The following TLN2 variants were observed in gnomAD, a reference collection of about 807,000 sequenced individuals.
TLN2 encodes talin-2.
In TLN2, 118 loss-of-function variants were observed where a neutral mutation model predicts 294.7. The ratio of observed to expected loss-of-function variants is 0.40; its 90% CI spans 0.34 to 0.47. TLN2 has a LOEUF of 0.47. TLN2 is among the 20% of genes least tolerant of loss of function. TLN2 has a pLI of 0.84. For missense variants in TLN2, 3,083 were observed against 3,282.2 expected, an observed-to-expected ratio of 0.94 and a Z score of 1.48; for synonymous variants, 1,431 against 1,304.5, an observed-to-expected ratio of 1.10 and a Z score of -2.09.
chr15:62,640,139 C>T (rs1270226839), intron 3 of TLN2: 1 of 455,074 alleles, frequency 2.2e-6, no homozygotes, highest in East Asian at 7.0e-5. Flanking sequence ...GGCTGTGACC[C>T]AGTGCATGGT....
intron 8 of TLN2, 81 bp from the exon 9 acceptor site, chr15:62,657,690 C>A: frequency 6.5e-7 from 1 of 1,545,170 alleles, no homozygotes; most frequent in Non-Finnish European, 8.7e-7. Context: ...AGAGGGTGTA[C>A]TGGGCCATGG....
At chr15:62,745,166 C>G (rs1430017438) in intron 32 of TLN2, among the ~76,000 whole-genome samples, 1 of 152,304 alleles carries the variant, frequency 6.6e-6, no homozygotes, top group Non-Finnish European at 1.5e-5. Context: ...TTACCTTAAC[C>G]CTTTTTAACC....
chr15:62,749,613 GC>G (rs1222498486), intron 33 of TLN2, among the ~76,000 whole-genome samples: 5 of 151,962 alleles, frequency 3.3e-5, no homozygotes, highest in Non-Finnish European at 7.4e-5. Flanking sequence ...TTCTCTCCCA[GC>G]CCCCCACCAG....
chr15:62,453,459 G>T (rs1300633019), intron 1 of TLN2: 1 of 152,168 alleles, frequency 6.6e-6, no homozygotes, highest in Non-Finnish European at 1.5e-5. Context: ...TGGGCTACCT[G>T]ACTGCTAGCA....
intron 50 of TLN2, among the ~76,000 whole-genome samples, chr15:62,801,159 G>A (rs1166703425): frequency 5.3e-5 from 8 of 152,156 alleles, no homozygotes; most frequent in Admixed American, 2.0e-4. Context: ...CTTGGTACCC[G>A]CACACATGCA....
chr15:62,807,642 G>A (rs1266499659), intron 51 of TLN2, among the ~76,000 whole-genome samples: 4 of 152,162 alleles, frequency 2.6e-5, no homozygotes, highest in Non-Finnish European at 5.9e-5. Flanking sequence ...CTCTCCTAAC[G>A]TGTGCTCCCC....
chr15:62,395,007 A>G (rs547423951), intron 1 of TLN2, among the ~76,000 whole-genome samples: 22 of 152,304 alleles, frequency 1.4e-4, no homozygotes, highest in East Asian at 1.3e-3. Flanking sequence ...AAAATGTAGA[A>G]CAAGGAATGA....
At position 62,488,445 on chromosome 15, in the gene TLN2, G is replaced by A. The variant is rs773987856; in HGVS notation, c.-238+97760G>A. Among the ~76,000 whole-genome samples, 5 of 152,152 alleles carry A rather than the reference G, an allele frequency of 3.3e-5. No homozygotes were observed. In the East Asian group the frequency reaches 9.7e-4, roughly 29 times the overall value. On this transcript the variant is annotated intron_variant, in intron 1 of 58. Transcript: ENST00000636159. ...GATGAGAATTGTTGGTAAGACAAGG[G>A]CAGTAATTATAGATTCACATTTTGT... is the stretch of plus-strand genomic sequence containing the variant.
intron 1 of TLN2, among the ~76,000 whole-genome samples, chr15:62,545,514 TTGTGTGTGTG>T (rs56777565): frequency 3.7e-4 from 54 of 146,030 alleles, no homozygotes; most frequent in African/African-American, 1.1e-3. Flanking sequence ...TTCTTTCTCT[TTGTGTGTGTG>T]TGTGTGTGTG....
At position 62,562,941 on chromosome 15, in the gene TLN2, C is replaced by CACAG. The variant is rs1555430351; in HGVS notation, c.-237-26743_-237-26742insGACA. On this transcript the variant is annotated intron_variant, in intron 1 of 58. Transcript: ENST00000636159. ...ACACACACACACACACACACACACA[C>CACAG]ACACACACACACACACACACACACA... Among the ~76,000 whole-genome samples, 23 of 149,324 alleles carry CACAG rather than the reference C, an allele frequency of 1.5e-4. 1 individual carries two copies. Among genetic ancestry groups the CACAG allele is most frequent in the African/African-American group, 5.0e-4 (20 of 40,334 alleles).
At chr15:62,551,382 A>G (rs1237996957) in intron 1 of TLN2, among the ~76,000 whole-genome samples, 1 of 152,120 alleles carries the variant, frequency 6.6e-6, no homozygotes, top group Non-Finnish European at 1.5e-5. Flanking sequence ...GTTAAGAACC[A>G]GAGTTCAGGC....
At position 62,769,558 on chromosome 15, in the gene TLN2, A is replaced by G. The variant is rs544475184; in HGVS notation, c.5197-1406A>G. Among the ~76,000 whole-genome samples, 3 of 152,342 alleles carry G rather than the reference A, an allele frequency of 2.0e-5. No homozygotes were observed. The South Asian group carries it at 6.2e-4, about 32-fold the overall frequency. On this transcript the variant is annotated intron_variant, in intron 41 of 58. Coordinates refer to ENST00000636159, the MANE Select transcript of TLN2 (RefSeq NM_015059.3). Reference sequence around the variant, plus strand: ...ACCATAGAGGAAATAACAATGTAAAAATAAGTTTTATTGTTGGCCAATAAT... The same window carrying G: ...ACCATAGAGGAAATAACAATGTAAAGATAAGTTTTATTGTTGGCCAATAAT...
In TLN2 at chr15:62,781,255, G is replaced by GTCTT. The variant is rs1246963655; in HGVS notation, c.5616+14_5616+15insTCTT. 1 of 1,587,970 alleles carries GTCTT rather than the reference G, an allele frequency of 6.3e-7. No individual in the cohort carries two copies. The highest frequency in any genetic ancestry group is 1.7e-5 in the Admixed American group (1 of 59,970). On this transcript the variant is annotated intron_variant, in intron 44 of 58. Transcript: ENST00000636159. ...GCTCAGGAAATGGTAAGAGGGAAGAGAGCTGCCCTCCCCACTGTTGTTTGC... is the reference window on the plus strand; with the variant it reads ...GCTCAGGAAATGGTAAGAGGGAAGAGTCTTAGCTGCCCTCCCCACTGTTGTTTGC...
Position 62,833,574 on chromosome 15 carries a change from G to T in TLN2, c.7073G>T (p.Ser2358Ile). The T allele has an allele frequency of 6.2e-7, 1 of 1,614,202 alleles. No homozygotes were observed. Among genetic ancestry groups the T allele is most frequent in the South Asian group, 1.1e-5 (1 of 91,074 alleles). The change falls in exon 55 of 59, where the codon AGC (serine) becomes ATC (isoleucine). Residue 2358 changes from serine to isoleucine, a missense_variant. Ser to Ile is a moderately radical substitution (Grantham distance 142). Coordinates refer to ENST00000636159, the MANE Select transcript of TLN2 (RefSeq NM_015059.3). ...GCTAAATCCATTGCTGCTGCCACAA[G>T]CGCCCTGGTCAAATCGGCCTCAGCA... Reference protein sequence around the residue: ...EAAKSIAAATSALVKSASAAQ... With the variant: ...EAAKSIAAATIALVKSASAAQ...
At chr15:62,554,659 T>C (rs1444866023) in intron 1 of TLN2, among the ~76,000 whole-genome samples, 2 of 152,120 alleles carry the variant, frequency 1.3e-5, no homozygotes, top group Non-Finnish European at 2.9e-5. Context: ...AACTATTTTC[T>C]GGAACAAACG....
intron 20 of TLN2, 129 bp downstream of exon 20, chr15:62,707,382 C>T: frequency 8.9e-7 from 1 of 1,124,008 alleles, no homozygotes; most frequent in Middle Eastern, 2.5e-4. Context: ...CTTAAAGTGT[C>T]TTAAGTGATG....
chr15:62,614,822 T>C (rs1475125146), intron 2 of TLN2, among the ~76,000 whole-genome samples: 1 of 151,988 alleles, frequency 6.6e-6, no homozygotes, highest in East Asian at 1.9e-4. Context: ...TGCTGTGGGG[T>C]GTACAGTTTT....
intron 1 of TLN2, among the ~76,000 whole-genome samples, chr15:62,462,922 A>T (rs567210422): frequency 6.6e-6 from 1 of 152,096 alleles, no homozygotes; most frequent in South Asian, 2.1e-4. Flanking sequence ...TGCCACCCCC[A>T]TAGGGAGGAG....
chr15:62,428,306 T>C (rs1246494162), intron 1 of TLN2, among the ~76,000 whole-genome samples: 3 of 152,196 alleles, frequency 2.0e-5, no homozygotes. Context: ...GCAACTTGAG[T>C]CCAGTTAATG....
Sources: allele counts gnomAD v4.1 joint callset (sites outside exome capture counted in the v4.1 genomes callset), GRCh38; gene constraint gnomAD v4.1.1; transcripts MANE v1.5; gene names NCBI Gene and HGNC (gene_info 2026-07-23, HGNC 2026-07-21).